BMPR1B: variants seen among roughly 807,000 people sequenced by gnomAD.
The protein encoded by BMPR1B is bone morphogenetic protein receptor type 1B.
In BMPR1B, 12 loss-of-function variants were observed where a neutral mutation model predicts 59.1. The observed-to-expected ratio is 0.20, with a 90% CI of 0.13 to 0.33. The LOEUF (loss-of-function observed/expected upper bound fraction) is 0.33, where lower values mean the gene tolerates loss of function less well. BMPR1B is among the 10% of genes least tolerant of loss of function. The probability of loss-of-function intolerance (pLI) is 1.00; values close to 1 mark genes in which losing one functional copy is unlikely to be tolerated. For missense variants in BMPR1B, 550 were observed against 610.9 expected, an observed-to-expected ratio of 0.90 and a Z score of 1.05; for synonymous variants, 237 against 207.3, an observed-to-expected ratio of 1.14 and a Z score of -1.23.
intron 1 of BMPR1B, among the ~76,000 whole-genome samples, chr4:94,858,316 T>C (rs1725849859): frequency 6.6e-6 from 1 of 152,184 alleles, no homozygotes; most frequent in African/African-American, 2.4e-5. Flanking sequence ...AACTCCTGAA[T>C]TTTCCTCAAC....
At chr4:94,958,642 T>TA (rs1323123072) in intron 2 of BMPR1B, among the ~76,000 whole-genome samples, 2 of 152,214 alleles carry the variant, frequency 1.3e-5, no homozygotes, top group Non-Finnish European at 2.9e-5. Context: ...TGTCTACAGA[T>TA]ACTGTCATAT....
chr4:94,762,848 A>G (rs1338703505), intron 1 of BMPR1B, among the ~76,000 whole-genome samples: 1 of 143,874 alleles, frequency 7.0e-6, no homozygotes, highest in African/African-American at 2.6e-5. Flanking sequence ...GAGTTGAATC[A>G]TCAGTTTTTG....
intron 2 of BMPR1B, among the ~76,000 whole-genome samples, chr4:94,915,687 C>T (rs1728457002): frequency 6.6e-6 from 1 of 152,010 alleles, no homozygotes; most frequent in Non-Finnish European, 1.5e-5. Flanking sequence ...TATTTCTAGC[C>T]CTTCATAGTT....
intron 1 of BMPR1B, among the ~76,000 whole-genome samples, chr4:94,787,404 C>G (rs1347732180): frequency 6.6e-6 from 1 of 152,122 alleles, no homozygotes; most frequent in Non-Finnish European, 1.5e-5. Flanking sequence ...TCCCCTGAAG[C>G]AGGTTATAAG....
chr4:94,866,036 G>T (rs17022389), intron 1 of BMPR1B, among the ~76,000 whole-genome samples: 5,764 of 152,058 alleles, frequency 0.038, 356 homozygotes, highest in African/African-American at 0.13. Context: ...GGCATAGAGG[G>T]GAATGCATGG....
chr4:94,987,960 A>G (rs948963623), intron 2 of BMPR1B, among the ~76,000 whole-genome samples: 2 of 152,176 alleles, frequency 1.3e-5, no homozygotes, highest in Admixed American at 6.5e-5. Context: ...TCATCCAGAG[A>G]TTAATGGAAT....
intron 3 of BMPR1B, among the ~76,000 whole-genome samples, chr4:95,073,588 G>A (rs1472630857): frequency 8.5e-5 from 13 of 152,052 alleles, no homozygotes; most frequent in Non-Finnish European, 1.5e-4. Context: ...ATGAGGGACT[G>A]AAAAGAAGAA....
chr4:95,084,922 A>G (rs1301798386), intron 3 of BMPR1B, among the ~76,000 whole-genome samples: 1 of 152,184 alleles, frequency 6.6e-6, no homozygotes, highest in Non-Finnish European at 1.5e-5. Context: ...AGAGCTAGAA[A>G]TCATGATTCC....
chr4:95,084,810 G>A (rs757291705), intron 3 of BMPR1B, among the ~76,000 whole-genome samples: 5 of 152,070 alleles, frequency 3.3e-5, no homozygotes, highest in East Asian at 3.9e-4. Flanking sequence ...CAAATGTATC[G>A]TGAGAACCTG....
At chr4:94,907,174 T>C (rs1728076705) in intron 2 of BMPR1B, among the ~76,000 whole-genome samples, 2 of 152,112 alleles carry the variant, frequency 1.3e-5, no homozygotes, top group Non-Finnish European at 2.9e-5. Flanking sequence ...GGTAGCTGGA[T>C]AAGTGCATCG....
intron 3 of BMPR1B, among the ~76,000 whole-genome samples, chr4:95,040,785 G>A (rs932217201): frequency 1.3e-5 from 2 of 152,148 alleles, no homozygotes; most frequent in African/African-American, 4.8e-5. Context: ...CGGGACAAAT[G>A]AAATCTTCTA....
intron 3 of BMPR1B, among the ~76,000 whole-genome samples, chr4:95,016,220 CT>C (rs772620263): frequency 1.8e-4 from 27 of 152,024 alleles, no homozygotes; most frequent in Middle Eastern, 3.2e-3. Flanking sequence ...ATTTAAAATC[CT>C]TTTTGATGAC....
chr4:94,981,003 A>ACGCGCGAGTACGCGCGCGTACGCGCGCG (rs141994255), intron 2 of BMPR1B, among the ~76,000 whole-genome samples: 1 of 90,796 alleles, frequency 1.1e-5, no homozygotes, highest in African/African-American at 3.5e-5. Flanking sequence ...ACACACACAC[A>ACGCGCGAGTACGCGCGCGTACGCGCGCG]CACACACACA....
chr4:94,990,685 G>GTTT (rs1721679306), intron 2 of BMPR1B, among the ~76,000 whole-genome samples: 1 of 150,970 alleles, frequency 6.6e-6, no homozygotes, highest in Non-Finnish European at 1.5e-5. Flanking sequence ...TTTTGTTGTT[G>GTTT]TTGTTGTTGT....
At chr4:94,873,452 G>A (rs1726583561) in intron 1 of BMPR1B, among the ~76,000 whole-genome samples, 1 of 149,442 alleles carries the variant, frequency 6.7e-6, no homozygotes, top group Admixed American at 6.6e-5. Flanking sequence ...CTGTCACCAG[G>A]CTGGAATGCA....
chr4:94,957,238 C>T (rs1002170487), intron 2 of BMPR1B, among the ~76,000 whole-genome samples: 30 of 151,932 alleles, frequency 2.0e-4, no homozygotes, highest in African/African-American at 7.2e-4. Context: ...GGAGGCCTGC[C>T]TTCCATGGCG....
intron 3 of BMPR1B, among the ~76,000 whole-genome samples, chr4:95,096,725 CTATATATAGTTATATATAACTATA>C (rs56768826): frequency 0.66 from 90,610 of 138,132 alleles, 30,000 homozygotes; most frequent in South Asian, 0.73. Flanking sequence ...GCATATATAA[CTATATATAGTTATATATAACTATA>C]TATAGTTATA....
At chr4:94,990,589 A>G (rs1200542718) in intron 2 of BMPR1B, among the ~76,000 whole-genome samples, 4 of 152,368 alleles carry the variant, frequency 2.6e-5, no homozygotes, top group African/African-American at 4.8e-5. Flanking sequence ...ACTAAGTCAC[A>G]TATGTAACTT....
Position 94,922,658 on chromosome 4 carries a change from A to T in BMPR1B, c.-113+46758A>T, listed in dbSNP as rs141738917. On this transcript the variant is annotated intron_variant, in intron 2 of 12. Transcript: ENST00000515059. ...TTATGATATATATTACAATTATCTT[A>T]TATAAAATAATATTAGTAAGCATGC... Among the ~76,000 whole-genome samples, 2 of 152,098 alleles carry T rather than the reference A, an allele frequency of 1.3e-5. 1 individual carries two copies. Among genetic ancestry groups the T allele is most frequent in the South Asian group, 4.1e-4 (2 of 4,826 alleles).
Sources: gnomAD v4.1 joint callset for allele counts (sites outside exome capture counted in the v4.1 genomes callset) on GRCh38, gnomAD v4.1.1 for gene constraint, MANE v1.5 for transcripts, NCBI Gene and HGNC (gene_info 2026-07-23, HGNC 2026-07-21) for gene names.